Variants in DLG2 observed in about 807,000 individuals in gnomAD.
DLG2 encodes the protein disks large homolog 2.
In DLG2, 45 loss-of-function variants were observed where a neutral mutation model predicts 132.5. The observed-to-expected ratio is 0.34, with a 90% CI of 0.27 to 0.44. DLG2 has a LOEUF of 0.44. Among genes scored for constraint, DLG2 ranks in the 20% least tolerant of loss-of-function variants. The pLI is 1.00. For missense variants in DLG2, 1,045 were observed against 1,196.9 expected, an observed-to-expected ratio of 0.87 and a Z score of 1.87; for synonymous variants, 424 against 419.6, an observed-to-expected ratio of 1.01 and a Z score of -0.13.
intron 21 of DLG2, among the ~76,000 whole-genome samples, chr11:83,503,420 T>TATATATATAGATAG (rs1555118627): frequency 3.8e-5 from 3 of 78,382 alleles, no homozygotes; most frequent in South Asian, 4.9e-4. Flanking sequence ...TATATATATA[T>TATATATATAGATAG]ATAGATAGAT....
intron 9 of DLG2, among the ~76,000 whole-genome samples, chr11:84,135,312 C>T (rs1287307414): frequency 6.6e-6 from 1 of 152,010 alleles, no homozygotes; most frequent in Non-Finnish European, 1.5e-5. Context: ...AAAATTGTGG[C>T]AGGGAAGATA....
intron 11 of DLG2, among the ~76,000 whole-genome samples, chr11:84,034,631 A>C (rs2154096376): frequency 6.6e-6 from 1 of 152,258 alleles, no homozygotes; most frequent in East Asian, 1.9e-4. Flanking sequence ...GGTTCTGGGA[A>C]GTTCTTTCAT....
intron 3 of DLG2, among the ~76,000 whole-genome samples, chr11:85,581,789 A>G (rs1292012969): frequency 6.6e-6 from 1 of 152,164 alleles, no homozygotes; most frequent in East Asian, 1.9e-4. Context: ...AGATGTAGGT[A>G]AGTTGGTAGA....
chr11:83,774,338 A>G (rs2094506935), intron 18 of DLG2, among the ~76,000 whole-genome samples: 1 of 152,188 alleles, frequency 6.6e-6, no homozygotes, highest in Non-Finnish European at 1.5e-5. Context: ...GATAATAACG[A>G]TAATTATCGC....
chr11:84,775,878 A>G (rs1187049644), intron 6 of DLG2, among the ~76,000 whole-genome samples: 1 of 152,218 alleles, frequency 6.6e-6, no homozygotes, highest in Admixed American at 6.5e-5. Context: ...ATGTACCCGC[A>G]GAATCTAAAA....
At chr11:85,454,212 T>A (rs1254880607) in intron 3 of DLG2, among the ~76,000 whole-genome samples, 3 of 151,626 alleles carry the variant, frequency 2.0e-5, no homozygotes, top group African/African-American at 7.3e-5. Context: ...CATCTGTTAC[T>A]TTTTGAGTTT....
intron 3 of DLG2, among the ~76,000 whole-genome samples, chr11:85,480,917 T>C (rs767270511): frequency 4.6e-5 from 7 of 152,298 alleles, no homozygotes; most frequent in Non-Finnish European, 8.8e-5. Flanking sequence ...TCTTTCAAAA[T>C]AGGCAAAACA....
intron 6 of DLG2, among the ~76,000 whole-genome samples, chr11:85,062,189 T>C (rs914045746): frequency 3.3e-5 from 5 of 151,736 alleles, no homozygotes; most frequent in Admixed American, 6.6e-5. Flanking sequence ...CTCTGAGCAA[T>C]TCAGAAAAAA....
chr11:84,154,722 CCCACCT>C (rs1290014274), intron 9 of DLG2, among the ~76,000 whole-genome samples: 1 of 151,898 alleles, frequency 6.6e-6, no homozygotes, highest in Non-Finnish European at 1.5e-5. Flanking sequence ...TTGTTCAATT[CCCACCT>C]ATGACTGAGA....
intron 7 of DLG2, among the ~76,000 whole-genome samples, chr11:84,276,431 G>A (rs1263239660): frequency 1.3e-5 from 2 of 152,100 alleles, no homozygotes; most frequent in African/African-American, 2.4e-5. Flanking sequence ...ATTTAACTTA[G>A]TTCAATTTGA....
intron 6 of DLG2, among the ~76,000 whole-genome samples, chr11:84,998,504 T>A (rs779385215): frequency 3.3e-5 from 5 of 152,110 alleles, no homozygotes; most frequent in African/African-American, 4.8e-5. Context: ...TTCATAGCAG[T>A]GTGAGAATGG....
chr11:85,283,450 C>G (rs1040238190), intron 4 of DLG2, among the ~76,000 whole-genome samples: 1 of 148,414 alleles, frequency 6.7e-6, no homozygotes, highest in Non-Finnish European at 1.5e-5. Flanking sequence ...TTAAAAAGTA[C>G]TATAAGCAAA....
At chr11:84,952,795 G>A (rs1469484062) in intron 6 of DLG2, among the ~76,000 whole-genome samples, 1 of 152,060 alleles carries the variant, frequency 6.6e-6, no homozygotes, top group Admixed American at 6.6e-5. Context: ...GTACATTGAG[G>A]GTTGTAAAAT....
chr11:84,241,756 C>T (rs896296763), intron 8 of DLG2, among the ~76,000 whole-genome samples: 2 of 152,186 alleles, frequency 1.3e-5, no homozygotes, highest in African/African-American at 4.8e-5. Context: ...TTAAGGTCTC[C>T]CACTAGCTTT....
chr11:84,776,180 G>A (rs145957567), intron 6 of DLG2, among the ~76,000 whole-genome samples: 2 of 152,224 alleles, frequency 1.3e-5, no homozygotes, highest in African/African-American at 4.8e-5. Context: ...TTTGAGGCAA[G>A]TTATTGGTCT....
At chr11:84,117,711 A>T (rs2093701645) in intron 9 of DLG2, among the ~76,000 whole-genome samples, 1 of 152,192 alleles carries the variant, frequency 6.6e-6, no homozygotes, top group Non-Finnish European at 1.5e-5. Flanking sequence ...ATTGAGAAAA[A>T]AACTATGTTA....
At chr11:84,180,327 A>G (rs2096082434) in intron 8 of DLG2, among the ~76,000 whole-genome samples, 1 of 152,116 alleles carries the variant, frequency 6.6e-6, no homozygotes, top group African/African-American at 2.4e-5. Flanking sequence ...AAAAACAGAG[A>G]AAAAAAGACA....
Position 83,457,158 on chromosome 11 carries a change from G to A in DLG2, c.*2660C>T, listed in dbSNP as rs1199353552. 1 of 152,628 alleles carries A rather than the reference G, an allele frequency of 6.6e-6. No homozygotes were observed. The highest frequency in any genetic ancestry group is 1.5e-5 in the Non-Finnish European group (1 of 68,052). The allele number at this position is 152,628 out of a possible 1,614,324, so 9.5% of individuals were successfully genotyped here. A position where few individuals can be genotyped will look rare whatever the true frequency, so the allele number is the denominator to read the frequency against. ...CCAGCAAGCCTTCAGGTTGGAGAGA[G>A]CTCTGGACAAAGTTTGCAGTGTTAG... On this transcript the variant is annotated 3_prime_UTR_variant, in exon 28 of 28. Transcript: ENST00000376104.
chr11:84,758,247 T>C (rs1281224425), intron 6 of DLG2, among the ~76,000 whole-genome samples: 2 of 152,222 alleles, frequency 1.3e-5, no homozygotes, highest in Non-Finnish European at 2.9e-5. Flanking sequence ...AAAACAACCA[T>C]GTAGAATTGT....
Sources: allele counts gnomAD v4.1 joint callset (sites outside exome capture counted in the v4.1 genomes callset), GRCh38; gene constraint gnomAD v4.1.1; transcripts MANE v1.5; gene names NCBI Gene and HGNC (gene_info 2026-07-23, HGNC 2026-07-21).